Variants in PDS5B observed in about 807,000 individuals in gnomAD.
The protein encoded by PDS5B is PDS5 cohesin associated factor B, also known as sister chromatid cohesion protein PDS5 homolog B.
Under a neutral mutation model 184.1 loss-of-function variants are expected in PDS5B, and 51 were observed. That is an observed-to-expected ratio of 0.28 (90% confidence interval 0.22 to 0.35). The LOEUF is 0.35. Ranked by LOEUF, PDS5B falls within the 10% of genes least tolerant of loss-of-function variation. The pLI is 1.00. For missense variants in PDS5B, 1,180 were observed against 1,723.3 expected (o/e 0.68, Z 5.58); for synonymous variants, 566 against 569.2 (o/e 0.99, Z 0.08).
chr13:32,733,749 G>A (rs911563259), intron 20 of PDS5B, among the ~76,000 whole-genome samples: 2 of 151,986 alleles, frequency 1.3e-5, no homozygotes, highest in African/African-American at 4.8e-5. Context: ...AAGAATATAC[G>A]GTGAAAAGTT....
At chr13:32,719,344 G>A (rs1392947782) in intron 19 of PDS5B, among the ~76,000 whole-genome samples, 1 of 152,060 alleles carries the variant, frequency 6.6e-6, no homozygotes, top group East Asian at 1.9e-4. Flanking sequence ...CACCATGCTT[G>A]TCTAAATTTT....
chr13:32,586,937 G>C (rs1374273363), intron 1 of PDS5B, among the ~76,000 whole-genome samples: 4 of 144,742 alleles, frequency 2.8e-5, no homozygotes. Context: ...GGCGGCGGGC[G>C]GTGACCTTGC....
At chr13:32,688,849 G>A (rs1951467958) in intron 13 of PDS5B, 6 of 354,224 alleles carry the variant, frequency 1.7e-5, no homozygotes, top group Admixed American at 4.5e-5. Flanking sequence ...AAACGTTGAT[G>A]TACCTATTCT....
At chr13:32,604,304 A>G (rs1006882876) in intron 1 of PDS5B, among the ~76,000 whole-genome samples, 1 of 152,210 alleles carries the variant, frequency 6.6e-6, no homozygotes, top group Admixed American at 6.5e-5. Context: ...GAATTTTGTC[A>G]GAGGCCTTTC....
rs1950371417 is a variant in PDS5B, at chr13:32,651,723, A to G, written c.109-81A>G. 6.3e-6 allele frequency: 5 copies of G among 787,942 alleles called. No individual in the cohort carries two copies. The South Asian group carries it at 6.8e-5, about 11-fold the overall frequency. The allele number at this position is 787,942 out of a possible 1,614,324, so 48.8% of individuals were successfully genotyped here. ...AGTATATTCATTTGAAGTTAACCTT[A>G]GCAATTAACATGACCTTTATTTCAC... On this transcript the variant is annotated intron_variant, in intron 2 of 34. Coordinates refer to ENST00000315596, the MANE Select transcript of PDS5B (RefSeq NM_015032.4).
chr13:32,638,708 CT>C (rs1343479495), intron 1 of PDS5B, among the ~76,000 whole-genome samples: 1 of 151,780 alleles, frequency 6.6e-6, no homozygotes, highest in Non-Finnish European at 1.5e-5. Flanking sequence ...GAGGAGATAA[CT>C]AATCAAGTAA....
intron 29 of PDS5B, among the ~76,000 whole-genome samples, chr13:32,760,177 G>A (rs144082602): frequency 4.6e-5 from 7 of 152,256 alleles, no homozygotes; most frequent in South Asian, 2.1e-4. Flanking sequence ...GGATGGTCTC[G>A]ATCTCCTGAC....
chr13:32,717,281 G>A (rs1485553945), intron 19 of PDS5B, among the ~76,000 whole-genome samples: 11 of 151,438 alleles, frequency 7.3e-5, no homozygotes, highest in Admixed American at 3.9e-4. Context: ...TTGAGAAATC[G>A]GATGGTTGCC....
intron 6 of PDS5B, among the ~76,000 whole-genome samples, chr13:32,662,376 A>G (rs528152193): frequency 1.3e-5 from 2 of 152,270 alleles, no homozygotes; most frequent in Admixed American, 1.3e-4. Flanking sequence ...TTTAGTGACT[A>G]TAAATCAGGT....
chr13:32,605,495 T>C (rs574387729), intron 1 of PDS5B, among the ~76,000 whole-genome samples: 1 of 152,284 alleles, frequency 6.6e-6, no homozygotes, highest in East Asian at 1.9e-4. Flanking sequence ...CTTCCAACTA[T>C]GTGGTCAATT....
At chr13:32,635,327 T>C (rs1264869443) in intron 1 of PDS5B, among the ~76,000 whole-genome samples, 5 of 146,870 alleles carry the variant, frequency 3.4e-5, no homozygotes, top group Non-Finnish European at 6.0e-5. Flanking sequence ...TGTGAGCCAC[T>C]ATGCCTGGCC....
chr13:32,775,469 T>C lies in PDS5B; in HGVS notation c.*417T>C. 1.1e-5 allele frequency: 4 copies of C among 350,094 alleles called. No homozygotes were observed. Among genetic ancestry groups the C allele is most frequent in the South Asian group, 8.9e-5 (4 of 44,868 alleles). The allele number at this position is 350,094 out of a possible 1,614,324, so 21.7% of individuals were successfully genotyped here. On this transcript the variant is annotated 3_prime_UTR_variant, in exon 35 of 35. Coordinates refer to ENST00000315596, the MANE Select transcript of PDS5B (RefSeq NM_015032.4). ...GCAGTAATCTGTCAGTGTTTGTATT[T>C]GTATTCTCTGCAATTTTACTGTGAA...
chr13:32,759,677 T>C lies in PDS5B; in HGVS notation c.3359T>C (p.Phe1120Ser). The change falls in exon 29 of 35, where the codon TTC becomes TCC. Residue 1120 changes from phenylalanine to serine, a missense_variant. Around this residue, in one of 11 missense-constraint regions of PDS5B, gnomAD observed 465 missense variants for 497.8 expected, o/e 0.93. Transcript: ENST00000315596. ...CTGCCTCCTGAAATGAAATCATTTTTCACTCCTGGAAAAGTATGTTTTGAG... is the reference window on the plus strand; with the variant it reads ...CTGCCTCCTGAAATGAAATCATTTTCCACTCCTGGAAAAGTATGTTTTGAG... ...NYLPPEMKSF[F>S]TPGKPKTTNV... 2 of 1,557,858 alleles carry C rather than the reference T, an allele frequency of 1.3e-6. No homozygotes were observed. Among genetic ancestry groups the C allele is most frequent in the Non-Finnish European group, 1.8e-6 (2 of 1,137,144 alleles).
At chr13:32,633,833 T>G (rs1346330275) in intron 1 of PDS5B, among the ~76,000 whole-genome samples, 2 of 152,240 alleles carry the variant, frequency 1.3e-5, no homozygotes, top group African/African-American at 4.8e-5. Flanking sequence ...GTAGAATTAA[T>G]AGTTGTACTC....
chr13:32,747,833 T>TA (rs1953812747), intron 24 of PDS5B, among the ~76,000 whole-genome samples: 1 of 152,152 alleles, frequency 6.6e-6, no homozygotes, highest in Admixed American at 6.5e-5. Flanking sequence ...TGGAAATATT[T>TA]AAAAAACACA....
intron 19 of PDS5B, among the ~76,000 whole-genome samples, chr13:32,710,708 A>C (rs1242926423): frequency 6.6e-6 from 1 of 152,228 alleles, no homozygotes; most frequent in Non-Finnish European, 1.5e-5. Context: ...CTTGGAGAGA[A>C]GATGGAATAG....
At chr13:32,731,998 T>G (rs995332337) in intron 19 of PDS5B, 103 bp from the exon 20 acceptor site, 2 of 956,248 alleles carry the variant, frequency 2.1e-6, no homozygotes, top group Non-Finnish European at 3.0e-6. Context: ...TGACTTTTTC[T>G]GACCTTGTAA....
chr13:32,663,288 G>C (rs1206228820), intron 6 of PDS5B, among the ~76,000 whole-genome samples: 1 of 149,214 alleles, frequency 6.7e-6, no homozygotes, highest in African/African-American at 2.5e-5. Flanking sequence ...TTTATGAGCA[G>C]AGAATAATCT....
chr13:32,652,891 C>G (rs533109363), intron 3 of PDS5B, among the ~76,000 whole-genome samples: 2 of 151,938 alleles, frequency 1.3e-5, no homozygotes, highest in African/African-American at 4.8e-5. Context: ...GGGAATAGCA[C>G]GAGTAATCTT....
Sources: allele counts gnomAD v4.1 joint callset (sites outside exome capture counted in the v4.1 genomes callset), GRCh38; gene constraint gnomAD v4.1.1; regional missense constraint gnomAD v4.1.1; transcripts MANE v1.5; gene names NCBI Gene and HGNC (gene_info 2026-07-23, HGNC 2026-07-21).